The following TANC1 variants were observed in gnomAD, a reference collection of about 807,000 sequenced individuals.
TANC1 encodes the protein tetratricopeptide repeat, ankyrin repeat and coiled-coil containing 1, also known as protein TANC1.
A neutral mutation model predicts 149.7 loss-of-function variants in TANC1; 77 were observed. The ratio of observed to expected loss-of-function variants is 0.51; its 90% CI spans 0.43 to 0.62. TANC1 has a LOEUF of 0.62. Among genes scored for constraint, TANC1 ranks in the 20% least tolerant of loss-of-function variants. The pLI, the probability that TANC1 is intolerant of heterozygous loss-of-function variation, is 0.00. For synonymous variants in TANC1, 854 were observed against 925.0 expected (o/e 0.92, Z 1.39); for missense variants, 1,985 against 2,321.8 (o/e 0.85, Z 2.98).
chr2:159,101,341 G>A (rs1026768010), intron 4 of TANC1, among the ~76,000 whole-genome samples: 9 of 152,176 alleles, frequency 5.9e-5, no homozygotes, highest in South Asian at 4.1e-4. Flanking sequence ...ATAAAAATAT[G>A]TATGTTAATA....
At chr2:159,049,075 C>T (rs1254216066) in intron 2 of TANC1, among the ~76,000 whole-genome samples, 1 of 152,196 alleles carries the variant, frequency 6.6e-6, no homozygotes, top group African/African-American at 2.4e-5. Context: ...GGAAATGCTC[C>T]TTTTTCTTCA....
At chr2:159,216,638 C>G (rs1201132539) in intron 19 of TANC1, among the ~76,000 whole-genome samples, 1 of 152,100 alleles carries the variant, frequency 6.6e-6, no homozygotes, top group African/African-American at 2.4e-5. Flanking sequence ...GTCGTGAGTA[C>G]CCCGCCTCGT....
intron 7 of TANC1, among the ~76,000 whole-genome samples, chr2:159,162,079 C>T (rs1183151277): frequency 6.6e-6 from 1 of 152,202 alleles, no homozygotes; most frequent in East Asian, 1.9e-4. Flanking sequence ...AGAATTGTGA[C>T]AGGATGTCCT....
At chr2:159,062,844 G>GT (rs2042335798) in intron 2 of TANC1, among the ~76,000 whole-genome samples, 1 of 151,430 alleles carries the variant, frequency 6.6e-6, no homozygotes, top group Non-Finnish European at 1.5e-5. Context: ...GTGGGTGCCT[G>GT]TAGTCCCAGC....
At chr2:158,991,372 A>T (rs2035612501) in intron 1 of TANC1, among the ~76,000 whole-genome samples, 1 of 152,146 alleles carries the variant, frequency 6.6e-6, no homozygotes, top group Non-Finnish European at 1.5e-5. Context: ...ATGTTAAAAG[A>T]ATGAGGTAGG....
chr2:159,011,417 T>A (rs2037743885), intron 2 of TANC1, among the ~76,000 whole-genome samples: 3 of 152,168 alleles, frequency 2.0e-5, no homozygotes, highest in Non-Finnish European at 4.4e-5. Flanking sequence ...ATTCTTTGGA[T>A]CTGATGGGGG....
In TANC1 at chr2:159,065,973, T is replaced by C. The variant is rs2042619500; in HGVS notation, c.61+2T>C. Reference sequence around the variant, plus strand: ...GAAAGGGAGGCAAGAAGGAAGCAGGTATGTGTGCAAGAATGAGAAGCTCAG... The same window carrying C: ...GAAAGGGAGGCAAGAAGGAAGCAGGCATGTGTGCAAGAATGAGAAGCTCAG... On this transcript the variant is annotated splice_donor_variant, in intron 3 of 26. Coordinates refer to ENST00000263635, the MANE Select transcript of TANC1 (RefSeq NM_033394.3). LOFTEE classifies it high-confidence loss of function. 6.2e-7 allele frequency: 1 copy of C among 1,611,784 alleles called. No individual in the cohort carries two copies. Among genetic ancestry groups the C allele is most frequent in the East Asian group, 2.2e-5 (1 of 44,870 alleles).
At position 159,170,678 on chromosome 2, in the gene TANC1, A is replaced by G; in HGVS notation, c.1224A>G (p.Arg408=). Residue 408 remains arginine (R), a synonymous_variant, in exon 10 of 27, where the codon AGA becomes AGG. Coordinates refer to ENST00000263635, the MANE Select transcript of TANC1 (RefSeq NM_033394.3). The part of the protein sequence containing the change: ...NLRNTELAEN[R]GAVVVGNVGF... ...GGAACACAGAACTGGCAGAAAACAGAGGCGCGGTGGTGGTTGGCAATGTGG... is the reference window on the plus strand; with the variant it reads ...GGAACACAGAACTGGCAGAAAACAGGGGCGCGGTGGTGGTTGGCAATGTGG... 6.2e-7 allele frequency: 1 copy of G among 1,614,154 alleles called. No homozygotes were observed. Among genetic ancestry groups the G allele is most frequent in the Middle Eastern group, 1.6e-4 (1 of 6,062 alleles).
At chr2:159,051,246 A>T (rs956448904) in intron 2 of TANC1, among the ~76,000 whole-genome samples, 3 of 152,244 alleles carry the variant, frequency 2.0e-5, no homozygotes, top group African/African-American at 7.2e-5. Flanking sequence ...GGCTACATGT[A>T]CAAGAGTGTA....
rs1325329282 is a variant in TANC1, at chr2:159,104,397, G to A, written c.259+6563G>A. Among the ~76,000 whole-genome samples, 6 of 95,694 alleles carry A rather than the reference G, an allele frequency of 6.3e-5. 2 individuals are homozygous for A. The highest frequency in any genetic ancestry group is 1.7e-4 in the African/African-American group (6 of 34,498). 62.8% of individuals were successfully genotyped at this position (95,694 alleles called of 152,430 possible). A position where few individuals can be genotyped will look rare whatever the true frequency, so the allele number is the denominator to read the frequency against. On this transcript the variant is annotated intron_variant, in intron 4 of 26. Coordinates refer to ENST00000263635, the MANE Select transcript of TANC1 (RefSeq NM_033394.3). ...ATGATGCCCAGCTCCTACGTTCAGAGACTCAGATTAAATGCATATGAAGTA... is the reference window on the plus strand; with the variant it reads ...ATGATGCCCAGCTCCTACGTTCAGAAACTCAGATTAAATGCATATGAAGTA...
chr2:159,106,116 T>TTA (rs2047155952), intron 4 of TANC1, among the ~76,000 whole-genome samples: 1 of 152,220 alleles, frequency 6.6e-6, no homozygotes, highest in African/African-American at 2.4e-5. Flanking sequence ...AAAAACAGCT[T>TTA]TATTGAGATA....
intron 1 of TANC1, among the ~76,000 whole-genome samples, chr2:158,997,544 TGAA>T (rs1220185756): frequency 1.3e-5 from 2 of 152,230 alleles, no homozygotes; most frequent in Middle Eastern, 3.4e-3. Context: ...CAGGACTCCT[TGAA>T]GAAATGGATA....
chr2:159,156,065 G>A (rs2053401393), intron 7 of TANC1, among the ~76,000 whole-genome samples: 1 of 152,122 alleles, frequency 6.6e-6, no homozygotes, highest in Admixed American at 6.5e-5. Flanking sequence ...TGAATTAATT[G>A]TACTTTATTT....
intron 19 of TANC1, among the ~76,000 whole-genome samples, chr2:159,206,858 G>A (rs1468985188): frequency 1.3e-5 from 2 of 152,052 alleles, no homozygotes; most frequent in Non-Finnish European, 2.9e-5. Flanking sequence ...AGGAGAGAGA[G>A]AACCTTATGC....
At chr2:159,201,939 T>C (rs13003172) in intron 19 of TANC1, among the ~76,000 whole-genome samples, 33,010 of 152,172 alleles carry the variant, frequency 0.22, 4,596 homozygotes, top group Non-Finnish European at 0.32. Context: ...GGAGGACAGC[T>C]ACCTGCCCAT....
chr2:159,184,110 G>A (rs982868549), intron 14 of TANC1, among the ~76,000 whole-genome samples: 1 of 152,180 alleles, frequency 6.6e-6, no homozygotes, highest in Non-Finnish European at 1.5e-5. Flanking sequence ...TGCATAAGTC[G>A]CTTAACCTGT....
chr2:159,138,841 C>T (rs2051056042), intron 5 of TANC1, among the ~76,000 whole-genome samples: 1 of 152,178 alleles, frequency 6.6e-6, no homozygotes, highest in South Asian at 2.1e-4. Context: ...TTCCTAAATG[C>T]TTGAAATACT....
chr2:159,136,020 G>GTGTGTGTGTC, intron 4 of TANC1, among the ~76,000 whole-genome samples, 174 bp from the exon 5 acceptor site: 1 of 70,006 alleles, frequency 1.4e-5, no homozygotes, highest in Non-Finnish European at 3.2e-5. Flanking sequence ...GTGTGTGTGT[G>GTGTGTGTGTC]TGTGTGTGTG....
intron 1 of TANC1, among the ~76,000 whole-genome samples, chr2:158,991,526 G>T (rs2035624600): frequency 6.6e-6 from 1 of 152,052 alleles, no homozygotes; most frequent in Admixed American, 6.6e-5. Context: ...GGCCGAGGTG[G>T]GTGGATCACG....
Sources: gnomAD v4.1 joint callset for allele counts (sites outside exome capture counted in the v4.1 genomes callset) on GRCh38, gnomAD v4.1.1 for gene constraint, MANE v1.5 for transcripts, NCBI Gene and HGNC (gene_info 2026-07-23, HGNC 2026-07-21) for gene names.